LRRC7: variants seen among roughly 807,000 people sequenced by gnomAD.
LRRC7 encodes the protein leucine-rich repeat-containing protein 7.
A neutral mutation model predicts 175.7 loss-of-function variants in LRRC7; 23 were observed. The observed-to-expected ratio is 0.13, with a 90% CI of 0.09 to 0.19. The LOEUF is 0.19. Ranked by LOEUF, LRRC7 falls within the 10% of genes least tolerant of loss-of-function variation. LRRC7 has a pLI of 1.00. For missense variants in LRRC7, 1,354 were observed against 1,904.7 expected, an observed-to-expected ratio of 0.71 and a Z score of 5.38; for synonymous variants, 685 against 680.9, an observed-to-expected ratio of 1.01 and a Z score of -0.09.
intron 8 of LRRC7, among the ~76,000 whole-genome samples, chr1:69,958,909 C>A (rs905430546): frequency 6.6e-6 from 1 of 152,000 alleles, no homozygotes; most frequent in African/African-American, 2.4e-5. Context: ...TCTAACTATG[C>A]ATGTGAGGAG....
intron 7 of LRRC7, among the ~76,000 whole-genome samples, chr1:69,916,636 A>G (rs1646725927): frequency 6.6e-6 from 1 of 152,080 alleles, no homozygotes; most frequent in Admixed American, 6.6e-5. Flanking sequence ...TGCCTGATAG[A>G]AATTGCGTGG....
In LRRC7 at chr1:69,956,733, T is replaced by C. The variant is rs572948923; in HGVS notation, c.712-23646T>C. Among the ~76,000 whole-genome samples, 208 of 151,676 alleles carry C rather than the reference T, an allele frequency of 1.4e-3. 1 individual carries two copies. The highest frequency in any genetic ancestry group is 4.8e-3 in the African/African-American group (200 of 41,472). On this transcript the variant is annotated intron_variant, in intron 8 of 26. Coordinates refer to ENST00000651989, the MANE Select transcript of LRRC7 (RefSeq NM_001370785.2). ...AAAATAGGATATAACATATTCAGGG[T>C]AATAAAACTAACTGTAATATATTTA...
intron 1 of LRRC7, among the ~76,000 whole-genome samples, chr1:69,597,045 T>C (rs1265092749): frequency 6.6e-6 from 1 of 152,226 alleles, no homozygotes; most frequent in African/African-American, 2.4e-5. Context: ...TCAAAGCCAA[T>C]AAGTATTCAC....
At chr1:70,011,754 A>G (rs748634510) in intron 11 of LRRC7, 43 bp from the exon 12 acceptor site, 7 of 1,398,758 alleles carry the variant, frequency 5.0e-6, no homozygotes, top group Admixed American at 3.7e-5. Context: ...ACATTTTGCT[A>G]TCTAACTTTT....
chr1:70,055,973 A>T (rs2102070073), intron 23 of LRRC7, among the ~76,000 whole-genome samples: 1 of 152,336 alleles, frequency 6.6e-6, no homozygotes, highest in East Asian at 1.9e-4. Flanking sequence ...CAAGCTTCTA[A>T]TGTGGTCAAG....
At chr1:69,899,783 G>A (rs186425517) in intron 7 of LRRC7, among the ~76,000 whole-genome samples, 7 of 152,226 alleles carry the variant, frequency 4.6e-5, no homozygotes, top group Admixed American at 1.3e-4. Context: ...TTTTAAAAGC[G>A]GCTTCGTGCA....
At chr1:70,073,088 G>A (rs1301723680) in intron 23 of LRRC7, among the ~76,000 whole-genome samples, 4 of 152,110 alleles carry the variant, frequency 2.6e-5, no homozygotes, top group Admixed American at 6.5e-5. Flanking sequence ...CCTTAGTTTT[G>A]TCCTCAGCAA....
At chr1:69,703,385 T>C (rs1488579299) in intron 2 of LRRC7, among the ~76,000 whole-genome samples, 1 of 151,384 alleles carries the variant, frequency 6.6e-6, no homozygotes, top group Admixed American at 6.6e-5. Flanking sequence ...CTATGACAAA[T>C]CTAAGTATTT....
intron 13 of LRRC7, among the ~76,000 whole-genome samples, chr1:70,014,568 C>T (rs1656808515): frequency 6.6e-6 from 1 of 151,934 alleles, no homozygotes; most frequent in South Asian, 2.1e-4. Context: ...ATGAATCAAT[C>T]AGTAAATCAA....
chr1:70,023,562 A>G (rs1340790872), intron 17 of LRRC7, among the ~76,000 whole-genome samples, 188 bp downstream of exon 17: 1 of 151,988 alleles, frequency 6.6e-6, no homozygotes, highest in Admixed American at 6.6e-5. Flanking sequence ...GGGGAGGACT[A>G]AGTCAGAGGG....
chr1:69,604,060 T>C (rs1647203296), intron 1 of LRRC7, among the ~76,000 whole-genome samples: 1 of 152,128 alleles, frequency 6.6e-6, no homozygotes, highest in Admixed American at 6.6e-5. Flanking sequence ...ATCAAACTCT[T>C]GAATATTTTA....
At chr1:69,727,426 C>T (rs369329779) in intron 2 of LRRC7, among the ~76,000 whole-genome samples, 32 of 152,296 alleles carry the variant, frequency 2.1e-4, no homozygotes, top group African/African-American at 7.7e-4. Flanking sequence ...GACTCCTTTA[C>T]TGACAGATTT....
At chr1:70,074,043 A>G (rs1296559610) in intron 23 of LRRC7, among the ~76,000 whole-genome samples, 1 of 152,104 alleles carries the variant, frequency 6.6e-6, no homozygotes, top group Non-Finnish European at 1.5e-5. Context: ...TCTACTAAAG[A>G]TACAAATAAT....
chr1:70,094,223 C>T (rs1306839944), intron 25 of LRRC7, among the ~76,000 whole-genome samples: 1 of 152,100 alleles, frequency 6.6e-6, no homozygotes, highest in East Asian at 1.9e-4. Context: ...AATATACATA[C>T]TGGGGCATTG....
chr1:70,119,399 T>C (rs952681805), intron 26 of LRRC7, among the ~76,000 whole-genome samples: 3 of 152,156 alleles, frequency 2.0e-5, no homozygotes, highest in Non-Finnish European at 4.4e-5. Context: ...CGTGCATGAC[T>C]TATTTCCCCT....
chr1:69,654,984 A>G (rs1047135351), intron 1 of LRRC7, among the ~76,000 whole-genome samples: 1 of 152,010 alleles, frequency 6.6e-6, no homozygotes, highest in African/African-American at 2.4e-5. Context: ...GTTGTCATTC[A>G]TCATAACTGA....
chr1:69,759,083 T>C (rs938794749), intron 2 of LRRC7, among the ~76,000 whole-genome samples: 3 of 151,914 alleles, frequency 2.0e-5, no homozygotes, highest in African/African-American at 7.2e-5. Flanking sequence ...ACAATATGAT[T>C]AGTGGTGTGG....
At chr1:69,771,533 C>T (rs1672241291) in intron 3 of LRRC7, among the ~76,000 whole-genome samples, 1 of 152,090 alleles carries the variant, frequency 6.6e-6, no homozygotes, top group South Asian at 2.1e-4. Context: ...TATCAAATAT[C>T]ATTAAAATCT....
chr1:69,684,549 T>C (rs1259266362), intron 2 of LRRC7, among the ~76,000 whole-genome samples: 6 of 152,148 alleles, frequency 3.9e-5, no homozygotes, highest in Admixed American at 3.9e-4. Context: ...CTAAACACTC[T>C]GGAAAAATTC....
Sources: allele counts gnomAD v4.1 joint callset (sites outside exome capture counted in the v4.1 genomes callset), GRCh38; gene constraint gnomAD v4.1.1; transcripts MANE v1.5; gene names NCBI Gene and HGNC (gene_info 2026-07-23, HGNC 2026-07-21).